SYCP1: variants seen among roughly 807,000 people sequenced by gnomAD.
SYCP1 encodes cancer/testis antigen 8.
A neutral mutation model predicts 153.1 loss-of-function variants in SYCP1; 64 were observed. The observed-to-expected ratio is 0.42, with a 90% CI of 0.34 to 0.51. The LOEUF is 0.51. Ranked by LOEUF, SYCP1 falls within the 20% of genes least tolerant of loss-of-function variation. The probability of loss-of-function intolerance (pLI) is 0.06; values close to 1 mark genes in which losing one functional copy is unlikely to be tolerated. For missense variants in SYCP1, 997 were observed against 1,049.0 expected (o/e 0.95, Z 0.68); for synonymous variants, 384 against 341.8 (o/e 1.12, Z -1.36).
chr1:114,950,890 T>A (rs1008826246), intron 27 of SYCP1, among the ~76,000 whole-genome samples: 4 of 151,574 alleles, frequency 2.6e-5, no homozygotes, highest in African/African-American at 9.7e-5. Context: ...AGTGGTGCAA[T>A]CTCAGCTCAC....
At chr1:114,855,620 A>T in intron 2 of SYCP1, 48 bp downstream of exon 2, 1 of 1,419,714 alleles carries the variant, frequency 7.0e-7, no homozygotes, top group Non-Finnish European at 9.8e-7. Flanking sequence ...ACTTTAGGGA[A>T]ATGAAGAAAA....
chr1:114,954,567 A>ATTT (rs942964007), intron 27 of SYCP1, among the ~76,000 whole-genome samples: 8 of 149,998 alleles, frequency 5.3e-5, no homozygotes, highest in Non-Finnish European at 1.0e-4. Flanking sequence ...TTATTTATTT[A>ATTT]TTTATTTATT....
chr1:114,928,427 C>G (rs1451009090), intron 23 of SYCP1, among the ~76,000 whole-genome samples: 1 of 152,082 alleles, frequency 6.6e-6, no homozygotes, highest in African/African-American at 2.4e-5. Flanking sequence ...ACCCAGAATT[C>G]TGTATGCAGC....
intron 15 of SYCP1, among the ~76,000 whole-genome samples, chr1:114,893,802 A>G (rs1349188624): frequency 1.3e-5 from 2 of 152,078 alleles, no homozygotes; most frequent in Admixed American, 1.3e-4. Flanking sequence ...CTTTTACTAT[A>G]GGGGATGTTT....
intron 5 of SYCP1, among the ~76,000 whole-genome samples, chr1:114,857,762 T>C (rs1439271251): frequency 6.6e-6 from 1 of 152,130 alleles, no homozygotes; most frequent in Non-Finnish European, 1.5e-5. Context: ...GAGAGTATTT[T>C]ACAAAATCAG....
intron 8 of SYCP1, among the ~76,000 whole-genome samples, chr1:114,868,032 T>A (rs1280990895): frequency 1.3e-5 from 2 of 152,136 alleles, no homozygotes; most frequent in African/African-American, 4.8e-5. Context: ...TTTTTTAGCC[T>A]GTTATGTGAT....
intron 16 of SYCP1, 81 bp from the exon 17 acceptor site, chr1:114,910,316 C>A: frequency 1.1e-6 from 1 of 929,312 alleles, no homozygotes; most frequent in Non-Finnish European, 1.6e-6. Flanking sequence ...ATAGTTCTTT[C>A]CACAGCTCCA....
intron 27 of SYCP1, among the ~76,000 whole-genome samples, chr1:114,948,159 G>GA (rs1431357278): frequency 6.6e-6 from 1 of 151,546 alleles, no homozygotes; most frequent in African/African-American, 2.4e-5. Flanking sequence ...TCATGTTTCA[G>GA]AAAAAAAGGC....
At chr1:114,882,760 T>A (rs1467436449) in intron 12 of SYCP1, among the ~76,000 whole-genome samples, 1 of 152,274 alleles carries the variant, frequency 6.6e-6, no homozygotes, top group East Asian at 1.9e-4. Context: ...TTTCCCCCCA[T>A]GCACATGATA....
intron 30 of SYCP1, among the ~76,000 whole-genome samples, chr1:114,985,685 T>C (rs1274308780): frequency 6.6e-6 from 1 of 151,922 alleles, no homozygotes; most frequent in Non-Finnish European, 1.5e-5. Context: ...CCCTAAATAT[T>C]GAAGTTAACA....
intron 23 of SYCP1, among the ~76,000 whole-genome samples, chr1:114,929,460 T>C (rs1383693579): frequency 6.6e-6 from 1 of 151,868 alleles, no homozygotes; most frequent in Non-Finnish European, 1.5e-5. Flanking sequence ...AAGAGATACA[T>C]TGTATTTAGT....
intron 27 of SYCP1, among the ~76,000 whole-genome samples, chr1:114,948,782 C>T (rs1570838300): frequency 6.6e-6 from 1 of 152,300 alleles, no homozygotes; most frequent in East Asian, 1.9e-4. Context: ...GCTTTCCCTT[C>T]ATCTGCAATA....
At chr1:114,965,973 T>C (rs1672103846) in intron 27 of SYCP1, among the ~76,000 whole-genome samples, 1 of 152,188 alleles carries the variant, frequency 6.6e-6, no homozygotes. Context: ...CATCTGGTCC[T>C]GGGCTTTTTT....
chr1:114,976,320 A>G (rs1672790568), intron 27 of SYCP1, among the ~76,000 whole-genome samples: 2 of 151,786 alleles, frequency 1.3e-5, no homozygotes, highest in Non-Finnish European at 3.0e-5. Context: ...TCTGTTTGCC[A>G]GGCCGTATTA....
At chr1:114,966,745 C>T (rs932468152) in intron 27 of SYCP1, among the ~76,000 whole-genome samples, 28 of 150,526 alleles carry the variant, frequency 1.9e-4, no homozygotes, top group Admixed American at 8.6e-4. Context: ...AGTGCAGTGG[C>T]GCCATCTTGA....
At chr1:114,857,156 A>AAAG (rs774041717) in intron 3 of SYCP1, 76 bp from the exon 4 acceptor site, 9 of 921,234 alleles carry the variant, frequency 9.8e-6, no homozygotes, top group Admixed American at 6.3e-5. Flanking sequence ...AAAAAAAAAA[A>AAAG]AGAGAAAAAA....
rs1171980111 is a variant in SYCP1, at chr1:114,865,320, A to G, written c.598+4511A>G. On this transcript the variant is annotated intron_variant, in intron 8 of 31. Transcript: ENST00000369522. ...AGACTTAGAATGGTTAAATTTTCCT[A>G]GTTCATTGAATGTTCAGCAATTCTG... is the stretch of plus-strand genomic sequence containing the variant. Among the ~76,000 whole-genome samples, 4 of 152,096 alleles carry G rather than the reference A, an allele frequency of 2.6e-5. 1 individual carries two copies. In the East Asian group the frequency reaches 7.7e-4, roughly 29 times the overall value.
At chr1:114,945,270 C>CT (rs1011653548) in intron 25 of SYCP1, among the ~76,000 whole-genome samples, 9 of 151,892 alleles carry the variant, frequency 5.9e-5, no homozygotes, top group African/African-American at 2.2e-4. Context: ...TCTTATAGCA[C>CT]TTTCTACCTT....
At chr1:114,857,531 G>T in intron 5 of SYCP1, 34 bp downstream of exon 5, 1 of 1,491,882 alleles carries the variant, frequency 6.7e-7, no homozygotes, top group South Asian at 1.3e-5. Flanking sequence ...TAAATTTCTT[G>T]TAATTGGAAT....
Sources: gnomAD v4.1 joint callset for allele counts (sites outside exome capture counted in the v4.1 genomes callset) on GRCh38, gnomAD v4.1.1 for gene constraint, MANE v1.5 for transcripts, NCBI Gene and HGNC (gene_info 2026-07-23, HGNC 2026-07-21) for gene names.